Variants in GCFC2 observed in about 807,000 individuals in gnomAD.
The protein encoded by GCFC2 is GC-rich sequence DNA-binding factor 2.
Under a neutral mutation model 99.4 loss-of-function variants are expected in GCFC2, and 102 were observed. That is an observed-to-expected ratio of 1.03 (90% CI 0.87 to 1.21). The LOEUF (loss-of-function observed/expected upper bound fraction) is 1.21, where lower values mean the gene tolerates loss of function less well. GCFC2 is among the 50% of genes most tolerant of loss of function. The pLI is 0.00. For missense variants in GCFC2, 973 were observed against 920.9 expected, an observed-to-expected ratio of 1.06 and a Z score of -0.73; for synonymous variants, 338 against 316.8, an observed-to-expected ratio of 1.07 and a Z score of -0.71.
chr2:75,690,445 A>C (rs1454528586), intron 8 of GCFC2, 193 bp downstream of exon 8: 1 of 545,942 alleles, frequency 1.8e-6, no homozygotes, highest in Non-Finnish European at 3.2e-6. Flanking sequence ...ATTCCTTTTA[A>C]CTGATCCAAA....
chr2:75,707,488 T>G (rs541167862), intron 1 of GCFC2, among the ~76,000 whole-genome samples: 4 of 152,322 alleles, frequency 2.6e-5, no homozygotes, highest in African/African-American at 9.6e-5. Flanking sequence ...CTCATTAATT[T>G]TAATTTTCTA....
chr2:75,671,919 T>A (rs561510293), intron 14 of GCFC2, 31 bp downstream of exon 14: 5 of 1,141,322 alleles, frequency 4.4e-6, no homozygotes, highest in Non-Finnish European at 6.6e-6. Flanking sequence ...TTTACAAAAA[T>A]TGCCTTTTCA....
intron 15 of GCFC2, among the ~76,000 whole-genome samples, chr2:75,667,506 T>C (rs1003548255): frequency 6.6e-6 from 1 of 152,196 alleles, no homozygotes; most frequent in Non-Finnish European, 1.5e-5. Context: ...TTCTACTCCT[T>C]AATCACCTGT....
At chr2:75,672,579 G>A (rs976284429) in intron 13 of GCFC2, among the ~76,000 whole-genome samples, 1 of 151,942 alleles carries the variant, frequency 6.6e-6, no homozygotes, top group African/African-American at 2.4e-5. Flanking sequence ...TACAGTTCAT[G>A]CATCATTATA....
At chr2:75,675,167 T>C (rs750013301) in intron 12 of GCFC2, among the ~76,000 whole-genome samples, 3 of 152,202 alleles carry the variant, frequency 2.0e-5, no homozygotes, top group Non-Finnish European at 2.9e-5. Context: ...AAGTGGAATA[T>C]GGATGGTAGA....
intron 12 of GCFC2, 107 bp downstream of exon 12, chr2:75,680,082 CCAAA>C (rs978871038): frequency 7.0e-5 from 50 of 711,384 alleles, no homozygotes; most frequent in African/African-American, 9.1e-5. Context: ...ATGTTTTCCC[CCAAA>C]CAGTTTTCTG....
At chr2:75,711,760 G>A (rs190036934), upstream of GCFC2, among the ~76,000 whole-genome samples, 773 of 152,304 alleles carry the variant, frequency 5.1e-3, 5 homozygotes, top group African/African-American at 0.017. Flanking sequence ...TAGCAGTGCC[G>A]GCCCACCGGC....
intron 12 of GCFC2, among the ~76,000 whole-genome samples, chr2:75,676,302 C>T (rs1289976976): frequency 1.3e-5 from 2 of 152,072 alleles, no homozygotes; most frequent in Non-Finnish European, 2.9e-5. Flanking sequence ...CTGAGGCTGC[C>T]CATAACTTTG....
intron 11 of GCFC2, among the ~76,000 whole-genome samples, chr2:75,683,771 C>CAAAAAAAAAAAAAAAAAAAAAA (rs749580096): frequency 2.0e-4 from 12 of 60,386 alleles, no homozygotes; most frequent in Non-Finnish European, 2.8e-4. Context: ...AAATGGAAAG[C>CAAAAAAAAAAAAAAAAAAAAAA]AAAAAAAAAA....
intron 15 of GCFC2, 79 bp downstream of exon 15, chr2:75,670,059 A>G: frequency 1.1e-6 from 1 of 934,632 alleles, no homozygotes; most frequent in Non-Finnish European, 1.7e-6. Context: ...ACATTTAATT[A>G]TTTTGCTAAA....
At chr2:75,688,452 G>C (rs1445956275) in intron 10 of GCFC2, among the ~76,000 whole-genome samples, 2 of 152,172 alleles carry the variant, frequency 1.3e-5, no homozygotes, top group African/African-American at 4.8e-5. Context: ...CAGTTGCTGA[G>C]TTCATACTTC....
At chr2:75,707,788 T>A (rs1680940424) in intron 1 of GCFC2, among the ~76,000 whole-genome samples, 1 of 152,196 alleles carries the variant, frequency 6.6e-6, no homozygotes, top group South Asian at 2.1e-4. Flanking sequence ...ATTTATATAA[T>A]GAAGTAAAGG....
intron 2 of GCFC2, among the ~76,000 whole-genome samples, chr2:75,703,644 A>G (rs1680708883): frequency 6.6e-6 from 1 of 152,198 alleles, no homozygotes; most frequent in Non-Finnish European, 1.5e-5. Context: ...TCCTCCTCCC[A>G]AAGCATTTAA....
At chr2:75,710,926 T>C (rs2104446875), upstream of GCFC2, 1 of 1,392,200 alleles carries the variant, frequency 7.2e-7, no homozygotes, top group South Asian at 1.6e-5. Context: ...GCCCGCCCCC[T>C]AGGGCGCGCT....
chr2:75,692,168 T>TAC (rs1486466870), intron 6 of GCFC2, 68 bp from the exon 7 acceptor site: 58 of 462,180 alleles, frequency 1.3e-4, no homozygotes, highest in South Asian at 2.0e-4. Context: ...TATATATATA[T>TAC]ATAAAAGTAA....
At chr2:75,712,575 C>G (rs1304365133), upstream of GCFC2, among the ~76,000 whole-genome samples, 2 of 152,154 alleles carry the variant, frequency 1.3e-5, no homozygotes, top group African/African-American at 2.4e-5. Context: ...GCAACCCGCT[C>G]CGGTCCCCTT....
At chr2:75,711,241 T>C, upstream of GCFC2, 1 of 984,412 alleles carries the variant, frequency 1.0e-6, no homozygotes, top group Non-Finnish European at 1.2e-6. Flanking sequence ...ATCCGTTGTC[T>C]TTTACTTTCT....
chr2:75,692,651 G>T (rs1032254523), intron 6 of GCFC2, among the ~76,000 whole-genome samples: 4 of 110,486 alleles, frequency 3.6e-5, no homozygotes, highest in Non-Finnish European at 6.0e-5. Context: ...TGTCTCAAAA[G>T]AAAAAAAAAA....
Position 75,706,909 on chromosome 2 carries a change from G to A in GCFC2, c.266-258C>T, listed in dbSNP as rs771450827. Among the ~76,000 whole-genome samples the A allele has an allele frequency of 7.9e-5, 12 of 151,886 alleles. 1 individual carries two copies. Among genetic ancestry groups the A allele is most frequent in the Non-Finnish European group, 8.8e-5 (6 of 68,006 alleles). On this transcript the variant is annotated intron_variant, in intron 1 of 16. Coordinates refer to ENST00000321027, the MANE Select transcript of GCFC2 (RefSeq NM_003203.5). The stretch of plus-strand genomic sequence containing the variant: ...AGTATGCAATGAGAAAAGGGAAGGA[G>A]GCATTAGAGAAAAAAAAAGCGACAA...
Sources: gnomAD v4.1 joint callset for allele counts (sites outside exome capture counted in the v4.1 genomes callset) on GRCh38, gnomAD v4.1.1 for gene constraint, MANE v1.5 for transcripts, NCBI Gene and HGNC (gene_info 2026-07-23, HGNC 2026-07-21) for gene names.